Variants in SLC15A5 observed in about 807,000 individuals in gnomAD.
The protein encoded by SLC15A5 is solute carrier family 15 member 5, also known as Peptide/histidine transporter ENSP00000340402.
In SLC15A5, 58 loss-of-function variants were observed where a neutral mutation model predicts 56.1. The ratio of observed to expected loss-of-function variants is 1.03; its 90% CI spans 0.84 to 1.29. The LOEUF (loss-of-function observed/expected upper bound fraction) is 1.29. Ranked by LOEUF, SLC15A5 falls within the 50% of genes most tolerant of loss-of-function variation. The pLI is 0.00. For synonymous variants in SLC15A5, 264 were observed against 250.5 expected, an observed-to-expected ratio of 1.05 and a Z score of -0.51; for missense variants, 681 against 672.1, an observed-to-expected ratio of 1.01 and a Z score of -0.15.
chr12:16,244,545 C>G, intron 4 of SLC15A5, 35 bp downstream of exon 4: 2 of 1,512,566 alleles, frequency 1.3e-6, no homozygotes, highest in Non-Finnish European at 1.8e-6. Flanking sequence ...AATCACTTTC[C>G]TGTTGTTGGG....
At chr12:16,227,180 A>G (rs1471182917) in intron 5 of SLC15A5, among the ~76,000 whole-genome samples, 2 of 152,180 alleles carry the variant, frequency 1.3e-5, no homozygotes, top group Non-Finnish European at 2.9e-5. Flanking sequence ...TAAATTAAGG[A>G]CTATAAAGGC....
At position 16,269,050 on chromosome 12, in the gene SLC15A5, A is replaced by C. The variant is rs897421463; in HGVS notation, c.584+3511T>G. Among the ~76,000 whole-genome samples the C allele has an allele frequency of 2.0e-5, 3 of 151,952 alleles. No individual in the cohort carries two copies. Among genetic ancestry groups the C allele is most frequent in the African/African-American group, 7.3e-5 (3 of 41,364 alleles). ...TGTGAAGACACAGTGAGAAGCCAGC[A>C]GTCTTACAGCCAGGAAGAGAACCCT... On this transcript the variant is annotated intron_variant, in intron 2 of 8. Coordinates refer to ENST00000344941, the MANE Select transcript of SLC15A5 (RefSeq NM_001170798.1). The surrounding 1 kb of genome is among the most constrained non-coding windows in gnomAD (Gnocchi z 4.7).
At chr12:16,265,682 C>T (rs1379637065) in intron 2 of SLC15A5, among the ~76,000 whole-genome samples, 7 of 152,104 alleles carry the variant, frequency 4.6e-5, no homozygotes, top group Non-Finnish European at 1.0e-4. Context: ...GGGGTTTTGC[C>T]ATTTTGCCCG....
intron 6 of SLC15A5, among the ~76,000 whole-genome samples, chr12:16,221,518 T>TG (rs1749771578): frequency 6.6e-6 from 1 of 152,178 alleles, no homozygotes; most frequent in African/African-American, 2.4e-5. Flanking sequence ...CACACATTTC[T>TG]GGGGATGTGG....
At chr12:16,275,382 G>T (rs1864805309) in intron 1 of SLC15A5, among the ~76,000 whole-genome samples, 3 of 151,990 alleles carry the variant, frequency 2.0e-5, no homozygotes, top group Admixed American at 1.3e-4. Context: ...AGGTTGGTAA[G>T]GTTGTTGTAT....
chr12:16,273,228 A>G (rs1005032655), intron 1 of SLC15A5, among the ~76,000 whole-genome samples: 2 of 152,114 alleles, frequency 1.3e-5, no homozygotes, highest in African/African-American at 4.8e-5. Context: ...ATTACCTAAA[A>G]GCTTTTAAGA....
Position 16,243,553 on chromosome 12 carries a change from T to A in SLC15A5, c.975+1027A>T, listed in dbSNP as rs1440973502. On this transcript the variant is annotated intron_variant, in intron 4 of 8. Transcript: ENST00000344941. The surrounding 1 kb of genome is among the most constrained non-coding windows in gnomAD (Gnocchi z 4.4). Reference sequence around the variant, plus strand: ...TGTGCTAGAAAATACTATTCTTTTTTTAATTTTTTTCAAACATATAAAAAT... The same window carrying A: ...TGTGCTAGAAAATACTATTCTTTTTATAATTTTTTTCAAACATATAAAAAT... 6.6e-6 allele frequency among the ~76,000 whole-genome samples: 1 copy of A among 152,178 alleles called. No homozygotes were observed. The highest frequency in any genetic ancestry group is 1.5e-5 in the Non-Finnish European group (1 of 68,040).
In SLC15A5 at chr12:16,258,617, CAT is replaced by C. The variant is rs781165242; in HGVS notation, c.585-749_585-748del. Among the ~76,000 whole-genome samples the C allele has an allele frequency of 8.9e-4, 135 of 152,174 alleles. 3 individuals carry two copies. Among genetic ancestry groups the C allele is most frequent in the African/African-American group, 2.9e-3 (119 of 41,502 alleles). On this transcript the variant is annotated intron_variant, in intron 2 of 8. Coordinates refer to ENST00000344941, the MANE Select transcript of SLC15A5 (RefSeq NM_001170798.1). Reference sequence around the variant, plus strand: ...CTCATTTACATATATAACTTATATACATATTAGTTTTTTTAAGTGTTTCAGTT... The same window carrying C: ...CTCATTTACATATATAACTTATATACATTAGTTTTTTTAAGTGTTTCAGTT...
chr12:16,258,662 C>T (rs970323885), intron 2 of SLC15A5, among the ~76,000 whole-genome samples: 2 of 151,830 alleles, frequency 1.3e-5, no homozygotes, highest in Non-Finnish European at 2.9e-5. Flanking sequence ...CCTTAGTACA[C>T]TTACACTATC....
At chr12:16,206,375 T>C (rs1249598224) in intron 7 of SLC15A5, among the ~76,000 whole-genome samples, 1 of 152,236 alleles carries the variant, frequency 6.6e-6, no homozygotes, top group Non-Finnish European at 1.5e-5. Context: ...ATTTCTTTCC[T>C]TCCTCCTTTC....
intron 7 of SLC15A5, among the ~76,000 whole-genome samples, chr12:16,199,744 A>T (rs114278671): frequency 0.044 from 6,705 of 152,198 alleles, 208 homozygotes; most frequent in African/African-American, 0.07. Context: ...TCAATAAAAA[A>T]TTTTTTAAAA....
At chr12:16,265,582 G>C (rs763391726) in intron 2 of SLC15A5, among the ~76,000 whole-genome samples, 1 of 152,180 alleles carries the variant, frequency 6.6e-6, no homozygotes. Context: ...GGGCTCAAGT[G>C]ATCCTCTTGC....
At chr12:16,204,791 T>C (rs1249958341) in intron 7 of SLC15A5, among the ~76,000 whole-genome samples, 1 of 152,138 alleles carries the variant, frequency 6.6e-6, no homozygotes, top group African/African-American at 2.4e-5. Context: ...CTGTTGTGAA[T>C]GTTGGTTATT....
intron 3 of SLC15A5, among the ~76,000 whole-genome samples, chr12:16,257,066 G>A (rs573182229): frequency 6.6e-6 from 1 of 152,112 alleles, no homozygotes; most frequent in East Asian, 1.9e-4. Context: ...GATTTTAACA[G>A]TGACTAGATA....
At chr12:16,233,347 C>T (rs938521437) in intron 5 of SLC15A5, among the ~76,000 whole-genome samples, 6 of 151,848 alleles carry the variant, frequency 4.0e-5, no homozygotes, top group Admixed American at 6.6e-5. Flanking sequence ...TAGGTACTTA[C>T]GTAACAAGAG....
Position 16,257,731 on chromosome 12 carries a change from A to G in SLC15A5, c.724T>C (p.Tyr242His), listed in dbSNP as rs568232985. 77 of 1,505,458 alleles carry G rather than the reference A, an allele frequency of 5.1e-5. No individual in the cohort carries two copies. In the East Asian group the frequency reaches 1.7e-3, roughly 33 times the overall value. The allele number at this position is 1,505,458 out of a possible 1,614,324, so 93.3% of individuals were successfully genotyped here. ...LMAVITLHMI[Y>H]YNLIYQSEKR... ...TCTGACTGATAAATTAGGTTGTAGT[A>G]TATCATATGAAGAGTTATCACAGCC... Residue 242 changes from tyrosine to histidine, a missense_variant, in exon 3 of 9, where the codon TAC (tyrosine) becomes CAC (histidine). Coordinates refer to ENST00000344941, the MANE Select transcript of SLC15A5 (RefSeq NM_001170798.1).
At chr12:16,203,379 G>A (rs566432709) in intron 7 of SLC15A5, among the ~76,000 whole-genome samples, 1 of 152,074 alleles carries the variant, frequency 6.6e-6, no homozygotes, top group African/African-American at 2.4e-5. Context: ...AATCATAATT[G>A]CCAACAAGTA....
At chr12:16,259,964 T>C (rs1864627468) in intron 2 of SLC15A5, among the ~76,000 whole-genome samples, 1 of 151,632 alleles carries the variant, frequency 6.6e-6, no homozygotes, top group African/African-American at 2.4e-5. Context: ...AGTTCCTCAC[T>C]TGGCCTCAGC....
At chr12:16,270,619 G>T (rs1864743085) in intron 2 of SLC15A5, among the ~76,000 whole-genome samples, 1 of 152,146 alleles carries the variant, frequency 6.6e-6, no homozygotes, top group East Asian at 1.9e-4. Flanking sequence ...ATATATAAGT[G>T]ATACAATAGC....
Sources: gnomAD v4.1 joint callset for allele counts (sites outside exome capture counted in the v4.1 genomes callset) on GRCh38, gnomAD v4.1.1 for gene constraint, Gnocchi (gnomAD v3.1) non-coding constraint, MANE v1.5 for transcripts, NCBI Gene and HGNC (gene_info 2026-07-23, HGNC 2026-07-21) for gene names.